GLE1: variants seen among roughly 807,000 people sequenced by gnomAD.
The protein encoded by GLE1 is mRNA export factor GLE1.
GLE1 carries 78 observed loss-of-function variants against 97.3 expected under a neutral mutation model. The observed-to-expected ratio is 0.80, with a 90% confidence interval of 0.67 to 0.97. GLE1 has a LOEUF of 0.97. GLE1 is among the 50% of genes least tolerant of loss of function. The pLI, the probability that GLE1 is intolerant of heterozygous loss-of-function variation, is 0.00. For missense variants in GLE1, 753 were observed against 857.5 expected, an observed-to-expected ratio of 0.88 and a Z score of 1.52; for synonymous variants, 302 against 313.4, an observed-to-expected ratio of 0.96 and a Z score of 0.39.
intron 11 of GLE1, among the ~76,000 whole-genome samples, chr9:128,534,561 T>C (rs1281736491): frequency 1.3e-5 from 2 of 152,020 alleles, no homozygotes; most frequent in South Asian, 2.1e-4. Flanking sequence ...TGAGCATCTT[T>C]TCCTGATTTT....
At chr9:128,535,689 G>A (rs1014629850) in intron 11 of GLE1, among the ~76,000 whole-genome samples, 3 of 152,018 alleles carry the variant, frequency 2.0e-5, no homozygotes, top group Admixed American at 2.0e-4. Context: ...AGGTGTGGTG[G>A]CAGGTGCCTT....
intron 11 of GLE1, among the ~76,000 whole-genome samples, chr9:128,534,880 A>G (rs1450371105): frequency 6.6e-6 from 1 of 151,394 alleles, no homozygotes; most frequent in Non-Finnish European, 1.5e-5. Context: ...CACCACGCCC[A>G]GCTAATTTTT....
chr9:128,530,066 G>A (rs1847443587), intron 9 of GLE1, among the ~76,000 whole-genome samples: 1 of 152,148 alleles, frequency 6.6e-6, no homozygotes, highest in Admixed American at 6.6e-5. Context: ...AAAGTGCTGG[G>A]ATTACAGGCA....
intron 12 of GLE1, chr9:128,536,831 C>A (rs1429347045): frequency 3.4e-6 from 1 of 292,228 alleles, no homozygotes; most frequent in Non-Finnish European, 6.7e-6. Context: ...ACATACCTTA[C>A]TTCACAGATG....
chr9:128,536,416 A>T lies in GLE1; in HGVS notation c.1708A>T (p.Met570Leu), dbSNP rs1327542991. 7 of 1,614,006 alleles carry T rather than the reference A, an allele frequency of 4.3e-6. No individual in the cohort carries two copies. Among genetic ancestry groups the T allele is most frequent in the Non-Finnish European group, 5.9e-6 (7 of 1,179,906 alleles). Residue 570 changes from methionine (M) to leucine (L), a missense_variant, in exon 12 of 16, where the codon ATG becomes TTG. Met to Leu is a conservative substitution (Grantham distance 15, BLOSUM62 2). Transcript: ENST00000309971. The part of the protein sequence containing the change: ...VEQQDNFLKR[M>L]SGMIRLYAAI... ...GCAGCAAGACAACTTTCTAAAACGC[A>T]TGTCAGGGATGATCCGTCTCTACGC...
chr9:128,522,885 C>A, intron 4 of GLE1, 69 bp downstream of exon 4: 1 of 1,556,844 alleles, frequency 6.4e-7, no homozygotes, highest in Non-Finnish European at 8.9e-7. Context: ...AAGAGGAATT[C>A]CAAAGGGAAA....
intron 2 of GLE1, among the ~76,000 whole-genome samples, chr9:128,509,553 C>T (rs1350666550): frequency 6.6e-6 from 1 of 151,542 alleles, no homozygotes; most frequent in Non-Finnish European, 1.5e-5. Flanking sequence ...AAATGCTAAA[C>T]TGGGGCCATT....
In GLE1 at chr9:128,509,205, A is replaced by G. The variant is rs567011199; in HGVS notation, c.321+108A>G. 207 of 752,590 alleles carry G rather than the reference A, an allele frequency of 2.8e-4. No individual in the cohort carries two copies. The African/African-American group carries it at 2.8e-3, about 10-fold the overall frequency. 46.6% of individuals were successfully genotyped at this position (752,590 alleles called of 1,614,324 possible). A position where few individuals can be genotyped will look rare whatever the true frequency, so the allele number is the denominator to read the frequency against. On this transcript the variant is annotated intron_variant, in intron 2 of 15. Coordinates refer to ENST00000309971, the MANE Select transcript of GLE1 (RefSeq NM_001003722.2). Reference sequence around the variant, plus strand: ...ACCCTAGGGGAAATAATGATTGCTCATTGTTGTAGCTGTTGTAGAGACAAT... The same window carrying G: ...ACCCTAGGGGAAATAATGATTGCTCGTTGTTGTAGCTGTTGTAGAGACAAT...
At chr9:128,529,306 T>TC (rs1166330614) in intron 9 of GLE1, among the ~76,000 whole-genome samples, 1 of 152,062 alleles carries the variant, frequency 6.6e-6, no homozygotes, top group Non-Finnish European at 1.5e-5. Context: ...TCAGAGCCCC[T>TC]CCACCACTGC....
intron 2 of GLE1, among the ~76,000 whole-genome samples, chr9:128,510,526 C>CT (rs71381766): frequency 0.033 from 2,695 of 82,690 alleles, 186 homozygotes; most frequent in African/African-American, 0.11. Context: ...CACACCCAGG[C>CT]TTTTTTTTTT....
chr9:128,511,705 C>CAA, intron 2 of GLE1, among the ~76,000 whole-genome samples: 1 of 86,516 alleles, frequency 1.2e-5, no homozygotes, highest in Middle Eastern at 7.8e-3. Context: ...GACTCCATCT[C>CAA]AAAAAAAAAA....
At chr9:128,526,315 C>A (rs1847299021) in intron 7 of GLE1, among the ~76,000 whole-genome samples, 1 of 151,832 alleles carries the variant, frequency 6.6e-6, no homozygotes, top group Admixed American at 6.6e-5. Flanking sequence ...CCACCGCACC[C>A]AGCCTGGGAG....
chr9:128,506,962 A>C (rs1022799956), intron 1 of GLE1, among the ~76,000 whole-genome samples: 8 of 151,898 alleles, frequency 5.3e-5, no homozygotes, highest in East Asian at 1.9e-4. Flanking sequence ...TCTCTGAACT[A>C]CTCTAGTTTT....
At chr9:128,508,180 CA>C (rs561804495) in intron 1 of GLE1, among the ~76,000 whole-genome samples, 60 of 74,476 alleles carry the variant, frequency 8.1e-4, no homozygotes, top group Middle Eastern at 8.1e-3. Flanking sequence ...AACTCCATCT[CA>C]AAAAAAAAAA....
chr9:128,531,831 CAAAAAA>C (rs1206684667), intron 9 of GLE1, among the ~76,000 whole-genome samples: 2 of 51,862 alleles, frequency 3.9e-5, no homozygotes, highest in Non-Finnish European at 4.1e-5. Context: ...GACTCCAGCT[CAAAAAA>C]AAAAAAAAAA....
chr9:128,515,463 A>G (rs1589047942), intron 2 of GLE1, 66 bp from the exon 3 acceptor site: 1 of 877,252 alleles, frequency 1.1e-6, no homozygotes, highest in Non-Finnish European at 1.9e-6. Context: ...TCTAGAAGAG[A>G]TAACACCAAC....
intron 13 of GLE1, among the ~76,000 whole-genome samples, chr9:128,539,053 C>A (rs1431689193): frequency 2.0e-5 from 3 of 151,986 alleles, no homozygotes; most frequent in Admixed American, 2.0e-4. Flanking sequence ...CCAGCCAGGG[C>A]AATATGGTGA....
intron 13 of GLE1, among the ~76,000 whole-genome samples, chr9:128,539,260 C>T (rs1041787890): frequency 7.9e-5 from 12 of 152,068 alleles, no homozygotes; most frequent in African/African-American, 2.7e-4. Context: ...CTCCTGAAGT[C>T]ACCATACATG....
At chr9:128,529,686 TCCTCTCTCTCTCTCCCTCTCTC>T (rs988543307) in intron 9 of GLE1, among the ~76,000 whole-genome samples, 13 of 151,488 alleles carry the variant, frequency 8.6e-5, no homozygotes, top group South Asian at 2.1e-4. Flanking sequence ...CACTACCCTT[TCCTCTCTCTCTCTCCCTCTCTC>T]CCTCTCTCTC....
Sources: allele counts gnomAD v4.1 joint callset (sites outside exome capture counted in the v4.1 genomes callset), GRCh38; gene constraint gnomAD v4.1.1; transcripts MANE v1.5; gene names NCBI Gene and HGNC (gene_info 2026-07-23, HGNC 2026-07-21).